Variants in SMURF2 observed in about 807,000 individuals in gnomAD.
SMURF2 encodes the protein SMAD specific E3 ubiquitin protein ligase 2, also known as E3 ubiquitin-protein ligase SMURF2.
A neutral mutation model predicts 109.6 loss-of-function variants in SMURF2; 48 were observed. The observed-to-expected ratio is 0.44, with a 90% CI of 0.35 to 0.56. The LOEUF is 0.56. Among genes scored for constraint, SMURF2 ranks in the 20% least tolerant of loss-of-function variants. The pLI, the probability that SMURF2 is intolerant of heterozygous loss-of-function variation, is 0.01. For missense variants in SMURF2, 575 were observed against 909.0 expected (o/e 0.63, Z 4.72); for synonymous variants, 288 against 317.1 (o/e 0.91, Z 0.97).
chr17:64,585,986 G>A (rs577903346), intron 6 of SMURF2, 100 bp downstream of exon 6: 43 of 626,682 alleles, frequency 6.9e-5, no homozygotes, highest in African/African-American at 6.1e-4. Context: ...TTCAATATAC[G>A]ATAAACACCA....
At chr17:64,654,427 ATT>A (rs1347193621) in intron 1 of SMURF2, among the ~76,000 whole-genome samples, 1 of 152,258 alleles carries the variant, frequency 6.6e-6, no homozygotes, top group Admixed American at 6.5e-5. Flanking sequence ...ATGAAATAAA[ATT>A]TCTCACTTTG....
At position 64,547,870 on chromosome 17, in the gene SMURF2, A is replaced by G. The variant is rs1449619321; in HGVS notation, c.1870-69T>C. On this transcript the variant is annotated intron_variant, in intron 16 of 18. Coordinates refer to ENST00000262435, the MANE Select transcript of SMURF2 (RefSeq NM_022739.4). This position sits in a 1 kb window ranked among gnomAD's most constrained non-coding sequence, Gnocchi z 4.2. Reference sequence around the variant, plus strand: ...CAGACCAAAAATTCCTCAAAAGAGAACTTTAGGTTTGTACTGCTGGCTGTC... The same window carrying G: ...CAGACCAAAAATTCCTCAAAAGAGAGCTTTAGGTTTGTACTGCTGGCTGTC... The G allele has an allele frequency of 1.4e-6, 2 of 1,386,658 alleles. No individual in the cohort carries two copies. The highest frequency in any genetic ancestry group is 4.6e-5 in the East Asian group (2 of 43,706). 85.9% of individuals were successfully genotyped at this position (1,386,658 alleles called of 1,614,324 possible).
chr17:64,637,937 A>AAT (rs1186600554), intron 1 of SMURF2, among the ~76,000 whole-genome samples: 1 of 151,598 alleles, frequency 6.6e-6, no homozygotes, highest in African/African-American at 2.4e-5. Flanking sequence ...AAAAAAAAAA[A>AAT]AAAAAATCAA....
intron 1 of SMURF2, among the ~76,000 whole-genome samples, chr17:64,619,558 AT>A (rs1323060384): frequency 1.3e-5 from 2 of 151,800 alleles, no homozygotes; most frequent in Non-Finnish European, 2.9e-5. Flanking sequence ...AATACCATAG[AT>A]TAGGTGGCTT....
chr17:64,604,444 C>A (rs1345582182), intron 2 of SMURF2, among the ~76,000 whole-genome samples: 2 of 152,150 alleles, frequency 1.3e-5, no homozygotes, highest in Admixed American at 1.3e-4. Flanking sequence ...TAACAATCAG[C>A]TCTCAAAGGT....
rs1555683260 is a variant in SMURF2 at position 64,547,668 on chromosome 17, C to T, written c.2003G>A (p.Arg668Gln). 7 of 1,614,032 alleles carry T rather than the reference C, an allele frequency of 4.3e-6. No homozygotes were observed. The highest frequency in any genetic ancestry group is 2.2e-5 in the South Asian group (2 of 91,078). ...KAVEFFDEER[R>Q]ARLLQFVTGS... is the part of the protein sequence containing the mutation. ...TGTCACAAACTGAAGCAATCTTGCT[C>T]GTCGCTCTTCATCAAAAAACTCCAC... The change falls in exon 17 of 19, where the codon CGA becomes CAA. Residue 668 changes from arginine to glutamine, a missense_variant. Physicochemically the swap from Arg to Gln is conservative, Grantham distance 43. Coordinates refer to ENST00000262435, the MANE Select transcript of SMURF2 (RefSeq NM_022739.4). This position sits in a 1 kb window ranked among gnomAD's most constrained non-coding sequence, Gnocchi z 4.2.
chr17:64,591,728 C>T (rs1355075976), intron 4 of SMURF2, among the ~76,000 whole-genome samples: 1 of 152,158 alleles, frequency 6.6e-6, no homozygotes, highest in Admixed American at 6.6e-5. Flanking sequence ...ACAATGTCAC[C>T]TAAAGTACGC....
At chr17:64,550,697 T>C (rs914514806) in intron 16 of SMURF2, among the ~76,000 whole-genome samples, 4 of 150,284 alleles carry the variant, frequency 2.7e-5, no homozygotes, top group Non-Finnish European at 4.4e-5. Context: ...GGAGAATCAC[T>C]TGAATCCAGG....
Position 64,631,798 on chromosome 17 carries a change from T to C in SMURF2, c.53-25158A>G, listed in dbSNP as rs140293851. Among the ~76,000 whole-genome samples, 37 of 152,294 alleles carry C rather than the reference T, an allele frequency of 2.4e-4. 1 individual carries two copies. The East Asian group carries it at 6.9e-3, about 29-fold the overall frequency. On this transcript the variant is annotated intron_variant, in intron 1 of 18. Coordinates refer to ENST00000262435, the MANE Select transcript of SMURF2 (RefSeq NM_022739.4). ...TAATATGCATTGAGCATTTACTACT[T>C]CTCAGACATGGTGCTTATGCACGTT... is the stretch of plus-strand genomic sequence containing the variant.
intron 1 of SMURF2, among the ~76,000 whole-genome samples, chr17:64,654,894 C>T (rs1475645315): frequency 6.6e-6 from 1 of 151,664 alleles, no homozygotes; most frequent in Non-Finnish European, 1.5e-5. Context: ...CCAGGCTGGT[C>T]TCGAACTCCT....
At chr17:64,594,712 C>A (rs549191250) in intron 3 of SMURF2, among the ~76,000 whole-genome samples, 1 of 152,134 alleles carries the variant, frequency 6.6e-6, no homozygotes, top group African/African-American at 2.4e-5. Context: ...TTAGGCCGGG[C>A]GCGGTGGCTC....
At chr17:64,591,610 C>A (rs782169263) in intron 4 of SMURF2, among the ~76,000 whole-genome samples, 1 of 152,168 alleles carries the variant, frequency 6.6e-6, no homozygotes, top group Non-Finnish European at 1.5e-5. Context: ...TCTGGGTTTG[C>A]ATCAGTTCTG....
chr17:64,570,584 A>C (rs1969383246), intron 10 of SMURF2, among the ~76,000 whole-genome samples: 1 of 152,230 alleles, frequency 6.6e-6, no homozygotes, highest in Non-Finnish European at 1.5e-5. Flanking sequence ...AAGGATGCAA[A>C]TAATATACAC....
intron 17 of SMURF2, 96 bp from the exon 18 acceptor site, chr17:64,546,434 G>T (rs929554138): frequency 1.9e-6 from 2 of 1,029,160 alleles, no homozygotes; most frequent in Non-Finnish European, 2.9e-6. Flanking sequence ...CACAGGATCT[G>T]GGGATAGGGG....
intron 1 of SMURF2, among the ~76,000 whole-genome samples, chr17:64,612,374 A>C (rs1970057032): frequency 6.6e-6 from 1 of 152,118 alleles, no homozygotes; most frequent in Admixed American, 6.6e-5. Flanking sequence ...TGATTTAAGA[A>C]ATCTTATTTT....
Position 64,555,972 on chromosome 17 carries a change from A to G in SMURF2, c.1458T>C (p.Val486=), listed in dbSNP as rs1344002442. Residue 486 remains valine, a synonymous_variant, in exon 14 of 19, where the codon GTT becomes GTC. Transcript: ENST00000262435. ...NPEHLSYFHF[V]GRIMGMAVFH... ...ACACAGCCATTCCCATTATTCGTCC[A>G]ACAAAGTGGAAATAGGATAAATGTT... 1.2e-6 allele frequency: 2 copies of G among 1,612,232 alleles called. No homozygotes were observed. Among genetic ancestry groups the G allele is most frequent in the African/African-American group, 2.7e-5 (2 of 74,866 alleles).
At chr17:64,556,047 T>C in intron 13 of SMURF2, 49 bp from the exon 14 acceptor site, 1 of 1,372,342 alleles carries the variant, frequency 7.3e-7, no homozygotes, top group Non-Finnish European at 1.0e-6. Flanking sequence ...CCCAGGAAAA[T>C]TTTAATAAAA....
At chr17:64,628,821 T>C (rs1970299614) in intron 1 of SMURF2, among the ~76,000 whole-genome samples, 1 of 152,158 alleles carries the variant, frequency 6.6e-6, no homozygotes, top group Non-Finnish European at 1.5e-5. Flanking sequence ...GTTCTGACTC[T>C]TCAGATGAGG....
At position 64,557,658 on chromosome 17, in the gene SMURF2, T is replaced by C; in HGVS notation, c.1381A>G (p.Arg461Gly). The change falls in exon 13 of 19, where the codon AGA becomes GGA. Residue 461 changes from arginine to glycine, a missense_variant. Arg to Gly is a moderately radical substitution (Grantham distance 125, BLOSUM62 -2). This residue lies in a region of SMURF2 where 361 missense variants were observed against 612.1 expected (regional missense o/e 0.59). Coordinates refer to ENST00000262435, the MANE Select transcript of SMURF2 (RefSeq NM_022739.4). ...NPYYGLFQYS[R>G]DDIYTLQINP... ...ATCTGCAATGTATAAATATCATCTC[T>C]TGAATACTGGAAGAGGCCATAGTAT... 6.2e-7 allele frequency: 1 copy of C among 1,612,422 alleles called. No homozygotes were observed.
Sources: gnomAD v4.1 joint callset for allele counts (sites outside exome capture counted in the v4.1 genomes callset) on GRCh38, gnomAD v4.1.1 for gene constraint, gnomAD v4.1.1 regional missense constraint, Gnocchi (gnomAD v3.1) non-coding constraint, MANE v1.5 for transcripts, NCBI Gene and HGNC (gene_info 2026-07-23, HGNC 2026-07-21) for gene names.